Variants in RXFP1 observed in about 807,000 individuals in gnomAD.
The protein encoded by RXFP1 is relaxin receptor 1.
In RXFP1, 73 loss-of-function variants were observed where a neutral mutation model predicts 89.8. The observed-to-expected ratio is 0.81, with a 90% CI of 0.67 to 0.99. RXFP1 has a LOEUF of 0.99. RXFP1 is among the 50% of genes least tolerant of loss of function. RXFP1 has a pLI of 0.00. For synonymous variants in RXFP1, 277 were observed against 305.5 expected, an observed-to-expected ratio of 0.91 and a Z score of 0.97; for missense variants, 793 against 895.5, an observed-to-expected ratio of 0.89 and a Z score of 1.46.
chr4:158,556,190 A>T (rs1194256570), intron 1 of RXFP1, among the ~76,000 whole-genome samples: 1 of 151,000 alleles, frequency 6.6e-6, no homozygotes, highest in Admixed American at 6.6e-5. Flanking sequence ...TTTGACAAGG[A>T]GTTGATATCC....
chr4:158,611,897 G>A (rs1249245763), intron 6 of RXFP1, among the ~76,000 whole-genome samples: 1 of 152,124 alleles, frequency 6.6e-6, no homozygotes, highest in Admixed American at 6.5e-5. Flanking sequence ...TTCAAAATAG[G>A]TTAATGAATA....
Position 158,557,908 on chromosome 4 carries a change from C to T in RXFP1, c.50-14790C>T, listed in dbSNP as rs148848899. On this transcript the variant is annotated intron_variant, in intron 1 of 17. Coordinates refer to ENST00000307765, the MANE Select transcript of RXFP1 (RefSeq NM_021634.4). Reference sequence around the variant, plus strand: ...CTGAGTTTCTTTTGCTACTCGATCTCTGTTAAAATTATTAATGTCCTGCTC... The same window carrying T: ...CTGAGTTTCTTTTGCTACTCGATCTTTGTTAAAATTATTAATGTCCTGCTC... 1.2e-4 allele frequency among the ~76,000 whole-genome samples: 18 copies of T among 152,250 alleles called. No homozygotes were observed. In the East Asian group the frequency reaches 2.9e-3, roughly 25 times the overall value.
chr4:158,652,159 T>C lies in RXFP1; in HGVS notation c.*104T>C. On this transcript the variant is annotated 3_prime_UTR_variant, in exon 18 of 18. Transcript: ENST00000307765. ...CACAAAATTAATTTATAATAATAGC[T>C]AAGATAAATATTTTACAAGGACATG... 4 of 919,000 alleles carry C rather than the reference T, an allele frequency of 4.4e-6. No individual in the cohort carries two copies. Among genetic ancestry groups the C allele is most frequent in the South Asian group, 2.1e-5 (1 of 46,734 alleles). 56.9% of individuals were successfully genotyped at this position (919,000 alleles called of 1,614,324 possible). A position where few individuals can be genotyped will look rare whatever the true frequency, so the allele number is the denominator to read the frequency against.
chr4:158,565,148 A>G (rs1455056237), intron 1 of RXFP1, among the ~76,000 whole-genome samples: 1 of 152,210 alleles, frequency 6.6e-6, no homozygotes, highest in Non-Finnish European at 1.5e-5. Flanking sequence ...CGAGGAGAGC[A>G]TCCATGCAGG....
At chr4:158,534,195 C>G (rs1026222944) in intron 1 of RXFP1, among the ~76,000 whole-genome samples, 2 of 151,584 alleles carry the variant, frequency 1.3e-5, no homozygotes, top group African/African-American at 2.4e-5. Context: ...GTGCTTTATT[C>G]CATGTACTTA....
At chr4:158,563,342 A>G (rs940161450) in intron 1 of RXFP1, among the ~76,000 whole-genome samples, 1 of 152,220 alleles carries the variant, frequency 6.6e-6, no homozygotes, top group East Asian at 1.9e-4. Context: ...TAATTTAAAA[A>G]GAAGTAGAAG....
At chr4:158,551,246 T>C (rs879780405) in intron 1 of RXFP1, among the ~76,000 whole-genome samples, 9 of 152,118 alleles carry the variant, frequency 5.9e-5, no homozygotes, top group African/African-American at 1.4e-4. Context: ...CCTTTTTATA[T>C]GTAGGATGTG....
At position 158,562,523 on chromosome 4, in the gene RXFP1, CAAAAAAAAAAA is replaced by C. The variant is rs55944906; in HGVS notation, c.50-10157_50-10147del. On this transcript the variant is annotated intron_variant, in intron 1 of 17. Coordinates refer to ENST00000307765, the MANE Select transcript of RXFP1 (RefSeq NM_021634.4). ...TGGGCGACAGAGCGAGACTCCGTCT[CAAAAAAAAAAA>C]AAAAAAAAAAAAAAAAATACACATA... 6.7e-4 allele frequency among the ~76,000 whole-genome samples: 17 copies of C among 25,344 alleles called. 1 individual carries two copies. In the South Asian group the frequency reaches 0.022, roughly 33 times the overall value. 16.6% of individuals were successfully genotyped at this position (25,344 alleles called of 152,430 possible). A position where few individuals can be genotyped will look rare whatever the true frequency, so the allele number is the denominator to read the frequency against.
intron 6 of RXFP1, among the ~76,000 whole-genome samples, chr4:158,610,217 A>T (rs918747716): frequency 6.6e-6 from 1 of 152,174 alleles, no homozygotes; most frequent in Non-Finnish European, 1.5e-5. Flanking sequence ...GTGAGCCGAG[A>T]TCGCGCCACT....
intron 1 of RXFP1, among the ~76,000 whole-genome samples, chr4:158,562,735 G>A (rs1752762417): frequency 6.6e-6 from 1 of 151,854 alleles, no homozygotes; most frequent in African/African-American, 2.4e-5. Flanking sequence ...ACACCCATCC[G>A]GGGCAGTTGA....
intron 1 of RXFP1, among the ~76,000 whole-genome samples, chr4:158,552,134 G>A (rs1174376262): frequency 6.6e-6 from 1 of 152,178 alleles, no homozygotes; most frequent in African/African-American, 2.4e-5. Context: ...GAAATAAGGT[G>A]TGAAATGGAA....
chr4:158,596,040 T>G (rs1760517053), intron 3 of RXFP1, among the ~76,000 whole-genome samples: 1 of 151,168 alleles, frequency 6.6e-6, no homozygotes, highest in Non-Finnish European at 1.5e-5. Flanking sequence ...CCCAGGAGAT[T>G]GAAGCTGCAG....
rs1272343616 is a variant in RXFP1 at position 158,651,842 on chromosome 4, A to G, written c.2061A>G (p.Pro687=). The G allele has an allele frequency of 1.9e-6, 3 of 1,614,166 alleles. No individual in the cohort carries two copies. The highest frequency in any genetic ancestry group is 3.3e-5 in the Admixed American group (2 of 60,026). Residue 687 remains proline, a synonymous_variant, in exon 18 of 18, where the codon CCA becomes CCG. Coordinates refer to ENST00000307765, the MANE Select transcript of RXFP1 (RefSeq NM_021634.4). ...TTCTCTATACTCTGACCACAAGACCATTTAAAGAAATGATTCATCGGTTTT... is the reference window on the plus strand; with the variant it reads ...TTCTCTATACTCTGACCACAAGACCGTTTAAAGAAATGATTCATCGGTTTT... ...NPILYTLTTR[P]FKEMIHRFWY...
chr4:158,605,522 G>T (rs535571478), intron 5 of RXFP1, among the ~76,000 whole-genome samples: 1 of 152,290 alleles, frequency 6.6e-6, no homozygotes, highest in East Asian at 1.9e-4. Flanking sequence ...AGAAAGTGAA[G>T]AATTTTCTTC....
chr4:158,570,087 C>T (rs914042770), intron 1 of RXFP1, among the ~76,000 whole-genome samples: 16 of 152,018 alleles, frequency 1.1e-4, no homozygotes, highest in African/African-American at 3.9e-4. Context: ...TTCCTAGAAA[C>T]GCAATTGCAA....
At chr4:158,522,108 A>G in intron 1 of RXFP1, 83 bp downstream of exon 1, 1 of 776,476 alleles carries the variant, frequency 1.3e-6, no homozygotes, top group African/African-American at 1.8e-5. Context: ...CCTTATATTT[A>G]TGCTTTTAAG....
chr4:158,652,152 T>C lies in RXFP1; in HGVS notation c.*97T>C, dbSNP rs1772867908. The C allele has an allele frequency of 2.1e-6, 2 of 973,782 alleles. No homozygotes were observed. Among genetic ancestry groups the C allele is most frequent in the Non-Finnish European group, 2.9e-6 (2 of 680,630 alleles). 60.3% of individuals were successfully genotyped at this position (973,782 alleles called of 1,614,324 possible). ...TGAATACCACAAAATTAATTTATAATAATAGCTAAGATAAATATTTTACAA... is the reference window on the plus strand; with the variant it reads ...TGAATACCACAAAATTAATTTATAACAATAGCTAAGATAAATATTTTACAA... On this transcript the variant is annotated 3_prime_UTR_variant, in exon 18 of 18. Coordinates refer to ENST00000307765, the MANE Select transcript of RXFP1 (RefSeq NM_021634.4).
In RXFP1 at chr4:158,633,447, A is replaced by G; in HGVS notation, c.942A>G (p.Ile314Met). The G allele has an allele frequency of 6.2e-7, 1 of 1,604,408 alleles. No individual in the cohort carries two copies. The highest frequency in any genetic ancestry group is 8.5e-7 in the Non-Finnish European group (1 of 1,173,212). Residue 314 changes from isoleucine (I) to methionine (M), a missense_variant, in exon 12 of 18, where the codon ATA becomes ATG. Physicochemically the swap from Ile to Met is conservative, Grantham distance 10 (BLOSUM62 1). Transcript: ENST00000307765. ...AGATTGAAAATCTTCCACCGCTTAT[A>G]TTCAAGGACCTGAAGGAGCTGTCAC... ...SNKIENLPPL[I>M]FKDLKELSQL...
At chr4:158,620,815 G>A (rs1437496765) in intron 9 of RXFP1, among the ~76,000 whole-genome samples, 1 of 152,168 alleles carries the variant, frequency 6.6e-6, no homozygotes, top group Admixed American at 6.5e-5. Context: ...GTCAAAGGAT[G>A]TCATTTAAAG....
Sources: gnomAD v4.1 joint callset for allele counts (sites outside exome capture counted in the v4.1 genomes callset) on GRCh38, gnomAD v4.1.1 for gene constraint, MANE v1.5 for transcripts, NCBI Gene and HGNC (gene_info 2026-07-23, HGNC 2026-07-21) for gene names.